The following PPP1R14C variants were observed in gnomAD, a reference collection of about 807,000 sequenced individuals.
PPP1R14C encodes the protein protein phosphatase 1 regulatory subunit 14C.
PPP1R14C carries 16 observed loss-of-function variants against 20.4 expected under a neutral mutation model. The ratio of observed to expected loss-of-function variants is 0.78; its 90% CI spans 0.53 to 1.19. The LOEUF is 1.19. Ranked by LOEUF, PPP1R14C falls within the 50% of genes most tolerant of loss-of-function variation. The pLI, the probability that PPP1R14C is intolerant of heterozygous loss-of-function variation, is 0.00. For missense variants in PPP1R14C, 211 were observed against 220.1 expected, an observed-to-expected ratio of 0.96 and a Z score of 0.26; for synonymous variants, 91 against 91.0, an observed-to-expected ratio of 1.00 and a Z score of 0.00.
chr6:150,160,970 T>A (rs1404655714), intron 1 of PPP1R14C, among the ~76,000 whole-genome samples: 1 of 152,060 alleles, frequency 6.6e-6, no homozygotes, highest in Non-Finnish European at 1.5e-5. Flanking sequence ...TTCCTTTTAT[T>A]AGAGAATGGT....
chr6:150,207,074 AG>A (rs1582918432), intron 1 of PPP1R14C, among the ~76,000 whole-genome samples: 1 of 152,148 alleles, frequency 6.6e-6, no homozygotes, highest in East Asian at 1.9e-4. Context: ...CACGTTGGTC[AG>A]GCTGTTCTTG....
intron 3 of PPP1R14C, among the ~76,000 whole-genome samples, chr6:150,224,693 C>T (rs1039562979): frequency 6.6e-5 from 10 of 152,184 alleles, no homozygotes; most frequent in East Asian, 5.8e-4. Flanking sequence ...GAGCCCTTAG[C>T]GTATTAAACA....
intron 1 of PPP1R14C, among the ~76,000 whole-genome samples, chr6:150,199,689 G>A (rs1211814579): frequency 6.6e-6 from 1 of 152,082 alleles, no homozygotes; most frequent in East Asian, 1.9e-4. Context: ...GGGCAATATA[G>A]TGAGATGCCA....
intron 1 of PPP1R14C, among the ~76,000 whole-genome samples, chr6:150,173,606 GGTCTCTTGGCAGACAGATGA>G (rs1777522921): frequency 6.6e-6 from 1 of 152,082 alleles, no homozygotes; most frequent in Non-Finnish European, 1.5e-5. Context: ...CAGACAGGTG[GGTCTCTTGGCAGACAGATGA>G]GTCTCTTTAA....
At chr6:150,212,058 G>A (rs1778029718) in intron 1 of PPP1R14C, among the ~76,000 whole-genome samples, 1 of 152,136 alleles carries the variant, frequency 6.6e-6, no homozygotes, top group Non-Finnish European at 1.5e-5. Context: ...GAGATGCCTG[G>A]CATTTTTTTC....
At chr6:150,191,583 A>G (rs1176463024) in intron 1 of PPP1R14C, among the ~76,000 whole-genome samples, 17 of 152,242 alleles carry the variant, frequency 1.1e-4, no homozygotes, top group Admixed American at 1.1e-3. Context: ...TAAGCACCAT[A>G]GATCCTTGAT....
Position 150,214,030 on chromosome 6 carries a change from G to A in PPP1R14C, c.307-714G>A, listed in dbSNP as rs371246091. The stretch of plus-strand genomic sequence containing the variant: ...TCTTCAGGGTTGTATGGTAGCCACC[G>A]GTAATTTCCGGTGCCACACTTCCTC... On this transcript the variant is annotated intron_variant, in intron 1 of 3. Coordinates refer to ENST00000361131, the MANE Select transcript of PPP1R14C (RefSeq NM_030949.3). 3.5e-4 allele frequency among the ~76,000 whole-genome samples: 53 copies of A among 152,322 alleles called. 2 individuals are homozygous for A. In the South Asian group the frequency reaches 3.9e-3, roughly 11 times the overall value.
chr6:150,168,496 A>G (rs143103024), intron 1 of PPP1R14C, among the ~76,000 whole-genome samples: 4,183 of 150,660 alleles, frequency 0.028, 109 homozygotes, highest in Admixed American at 0.071. Context: ...TAGCGCCACT[A>G]CACTCCAGCC....
At position 150,249,263 on chromosome 6, in the gene PPP1R14C, C is replaced by G. The variant is rs1235844738; in HGVS notation, c.*443C>G. ...TCTCACACTTGTATATATCTACACA[C>G]AACTAAGTTAAAATGTTGATGTGAG... On this transcript the variant is annotated 3_prime_UTR_variant, in exon 4 of 4. Transcript: ENST00000361131. 2.5e-6 allele frequency: 1 copy of G among 399,030 alleles called. No individual in the cohort carries two copies. The highest frequency in any genetic ancestry group is 3.6e-5 in the East Asian group (1 of 28,080). 24.7% of individuals were successfully genotyped at this position (399,030 alleles called of 1,614,324 possible).
chr6:150,181,169 A>AGG (rs1777617681), intron 1 of PPP1R14C, among the ~76,000 whole-genome samples: 1 of 152,070 alleles, frequency 6.6e-6, no homozygotes, highest in Non-Finnish European at 1.5e-5. Context: ...CTGGCATTCT[A>AGG]TGAGGTGTTC....
chr6:150,191,610 T>C (rs1374200062), intron 1 of PPP1R14C, among the ~76,000 whole-genome samples: 2 of 152,260 alleles, frequency 1.3e-5, no homozygotes, highest in Non-Finnish European at 2.9e-5. Context: ...TGGAAAACAC[T>C]CTGCTCTCCT....
chr6:150,154,803 C>T (rs1370657846), intron 1 of PPP1R14C, among the ~76,000 whole-genome samples: 1 of 151,844 alleles, frequency 6.6e-6, no homozygotes, highest in Non-Finnish European at 1.5e-5. Context: ...TTTTTTAAAT[C>T]ATCTTTTCCT....
At chr6:150,184,678 TG>T (rs1307004560) in intron 1 of PPP1R14C, among the ~76,000 whole-genome samples, 1 of 152,182 alleles carries the variant, frequency 6.6e-6, no homozygotes, top group Admixed American at 6.5e-5. Context: ...TTGCCCTCAG[TG>T]GGTCCTTACT....
intron 1 of PPP1R14C, among the ~76,000 whole-genome samples, chr6:150,168,149 C>CT (rs1777453173): frequency 8.1e-6 from 1 of 123,100 alleles, no homozygotes; most frequent in Non-Finnish European, 1.7e-5. Context: ...ATACAGCGTC[C>CT]CTTTTTTTTT....
intron 1 of PPP1R14C, among the ~76,000 whole-genome samples, chr6:150,157,318 A>G (rs1233984127): frequency 1.3e-5 from 2 of 152,166 alleles, no homozygotes; most frequent in East Asian, 1.9e-4. Flanking sequence ...TGCTCTAGGA[A>G]TCCATGCTTG....
intron 1 of PPP1R14C, among the ~76,000 whole-genome samples, chr6:150,156,770 C>T (rs1435913874): frequency 6.6e-6 from 1 of 152,178 alleles, no homozygotes; most frequent in Non-Finnish European, 1.5e-5. Flanking sequence ...AAAAACAACA[C>T]GTACTATCTC....
chr6:150,159,016 G>T (rs188515576), intron 1 of PPP1R14C, among the ~76,000 whole-genome samples: 96 of 152,236 alleles, frequency 6.3e-4, no homozygotes, highest in South Asian at 1.7e-3. Flanking sequence ...TTCATTTTTG[G>T]GGGGGCAGGA....
At chr6:150,196,653 G>C (rs1777808405) in intron 1 of PPP1R14C, among the ~76,000 whole-genome samples, 1 of 152,132 alleles carries the variant, frequency 6.6e-6, no homozygotes, top group Middle Eastern at 3.2e-3. Context: ...TTTTTCCTTT[G>C]AAAAGTAAAG....
chr6:150,249,715 C>G lies in PPP1R14C; in HGVS notation c.*895C>G. 2.5e-6 allele frequency: 1 copy of G among 397,022 alleles called. No homozygotes were observed. The highest frequency in any genetic ancestry group is 4.4e-6 in the Non-Finnish European group (1 of 225,586). 24.6% of individuals were successfully genotyped at this position (397,022 alleles called of 1,614,324 possible). ...TTCCACCGAGTACTGTGTTTATTCTCTCTCCAGGAAAGCAGATCAAAAGAA... is the reference window on the plus strand; with the variant it reads ...TTCCACCGAGTACTGTGTTTATTCTGTCTCCAGGAAAGCAGATCAAAAGAA... On this transcript the variant is annotated 3_prime_UTR_variant, in exon 4 of 4. Transcript: ENST00000361131.
Sources: gnomAD v4.1 joint callset for allele counts (sites outside exome capture counted in the v4.1 genomes callset) on GRCh38, gnomAD v4.1.1 for gene constraint, MANE v1.5 for transcripts, NCBI Gene and HGNC (gene_info 2026-07-23, HGNC 2026-07-21) for gene names.